CLIP2: variants seen among roughly 807,000 people sequenced by gnomAD.
The protein encoded by CLIP2 is CAP-Gly domain-containing linker protein 2.
CLIP2 carries 41 observed loss-of-function variants against 111.7 expected under a neutral mutation model. The ratio of observed to expected loss-of-function variants is 0.37; its 90% CI spans 0.29 to 0.48. The LOEUF (loss-of-function observed/expected upper bound fraction) is 0.48, where lower values mean the gene tolerates loss of function less well. Among genes scored for constraint, CLIP2 ranks in the 20% least tolerant of loss-of-function variants. The probability of loss-of-function intolerance (pLI) is 0.99; values close to 1 mark genes in which losing one functional copy is unlikely to be tolerated. For synonymous variants in CLIP2, 660 were observed against 644.2 expected, an observed-to-expected ratio of 1.02 and a Z score of -0.37; for missense variants, 1,160 against 1,422.1, an observed-to-expected ratio of 0.82 and a Z score of 2.96.
chr7:74,330,607 A>T (rs1764102700), intron 2 of CLIP2, among the ~76,000 whole-genome samples: 1 of 151,380 alleles, frequency 6.6e-6, no homozygotes, highest in South Asian at 2.1e-4. Context: ...CTCTTCCCCT[A>T]CCCCCAGGCC....
At chr7:74,378,023 G>A (rs547645546) in intron 10 of CLIP2, among the ~76,000 whole-genome samples, 3 of 152,132 alleles carry the variant, frequency 2.0e-5, no homozygotes, top group African/African-American at 4.8e-5. Context: ...GTGGGGTTTC[G>A]CCAGGTAGTC....
At chr7:74,311,917 TAA>T (rs1306557485) in intron 1 of CLIP2, among the ~76,000 whole-genome samples, 5 of 49,700 alleles carry the variant, frequency 1.0e-4, no homozygotes, top group Admixed American at 4.2e-4. Context: ...ATCTCAAGAA[TAA>T]AAAAAAAAAA....
chr7:74,389,184 A>G lies in CLIP2; in HGVS notation c.2645A>G (p.Glu882Gly), dbSNP rs782268648. 4.3e-6 allele frequency: 7 copies of G among 1,613,710 alleles called. No individual in the cohort carries two copies. The highest frequency in any genetic ancestry group is 5.9e-6 in the Non-Finnish European group (7 of 1,179,926). ...AAGCGGCGCCTGGAGGCAGAGCTGG[A>G]GACCGTGTCCCGGAAGACCCATGAC... ...KEKRRLEAEL[E>G]TVSRKTHDAS... Residue 882 changes from glutamate to glycine, a missense_variant, in exon 13 of 17, where the codon GAG (glutamate) becomes GGG (glycine). By Grantham distance (98) the Glu-to-Gly change is moderately conservative. Coordinates refer to ENST00000223398, the MANE Select transcript of CLIP2 (RefSeq NM_003388.5).
At position 74,363,895 on chromosome 7, in the gene CLIP2, C is replaced by CAAA. The variant is rs11438621; in HGVS notation, c.1320-346_1320-344dup. ...TGGGCAACAGAGCGAGACTCTGTCT[C>CAAA]AAAAAAAAAAAAAAAAGGGAGGGAG... is the stretch of plus-strand genomic sequence containing the variant. On this transcript the variant is annotated intron_variant, in intron 7 of 16. Transcript: ENST00000223398. Among the ~76,000 whole-genome samples, 20 of 96,670 alleles carry CAAA rather than the reference C, an allele frequency of 2.1e-4. No individual in the cohort carries two copies. The East Asian group carries it at 2.3e-3, about 11-fold the overall frequency. 63.4% of individuals were successfully genotyped at this position (96,670 alleles called of 152,430 possible). A position where few individuals can be genotyped will look rare whatever the true frequency, so the allele number is the denominator to read the frequency against.
At chr7:74,290,142 G>T (rs554142174) in intron 1 of CLIP2, among the ~76,000 whole-genome samples, 9 of 152,356 alleles carry the variant, frequency 5.9e-5, no homozygotes, top group East Asian at 5.8e-4. Context: ...TGGGCTCACA[G>T]AGCCTGGGGA....
In CLIP2 at chr7:74,329,369, C is replaced by T. The variant is rs529219707; in HGVS notation, c.122-9079C>T. On this transcript the variant is annotated intron_variant, in intron 2 of 16. Transcript: ENST00000223398. Reference sequence around the variant, plus strand: ...CAGCATGATGCTATATTAAGAGCACCTCTCATTCCCAGAAGCACCCGGGTT... The same window carrying T: ...CAGCATGATGCTATATTAAGAGCACTTCTCATTCCCAGAAGCACCCGGGTT... 2.6e-5 allele frequency among the ~76,000 whole-genome samples: 4 copies of T among 152,088 alleles called. No homozygotes were observed. The East Asian group carries it at 5.8e-4, about 22-fold the overall frequency.
At chr7:74,328,062 G>T (rs1190979888) in intron 2 of CLIP2, among the ~76,000 whole-genome samples, 1 of 152,084 alleles carries the variant, frequency 6.6e-6, no homozygotes, top group Non-Finnish European at 1.5e-5. Flanking sequence ...CCTTCTTTAG[G>T]GCTGGATGCT....
At chr7:74,374,184 G>A (rs1790713632) in intron 9 of CLIP2, among the ~76,000 whole-genome samples, 1 of 152,224 alleles carries the variant, frequency 6.6e-6, no homozygotes, top group Non-Finnish European at 1.5e-5. Flanking sequence ...TGTAGAAGGA[G>A]CAGTGGTCAG....
chr7:74,351,426 C>CAAAAAAAAAAAAAAAAAA (rs55952428), intron 3 of CLIP2, among the ~76,000 whole-genome samples: 2 of 65,938 alleles, frequency 3.0e-5, no homozygotes, highest in Non-Finnish European at 3.4e-5. Context: ...ATTCCAGTGT[C>CAAAAAAAAAAAAAAAAAA]AAAAAAAAAA....
At chr7:74,293,030 A>G (rs1788070103) in intron 1 of CLIP2, among the ~76,000 whole-genome samples, 1 of 152,174 alleles carries the variant, frequency 6.6e-6, no homozygotes, top group African/African-American at 2.4e-5. Context: ...CAGGCTGGGC[A>G]CACCCAGGCT....
chr7:74,389,823 C>T (rs1037151132), intron 13 of CLIP2, among the ~76,000 whole-genome samples: 2 of 151,558 alleles, frequency 1.3e-5, no homozygotes, highest in Non-Finnish European at 2.9e-5. Context: ...TCCTTGAACC[C>T]GAGAGGAGGA....
At chr7:74,391,610 A>T (rs1554315872) in intron 13 of CLIP2, among the ~76,000 whole-genome samples, 2 of 151,994 alleles carry the variant, frequency 1.3e-5, no homozygotes. Context: ...ACTTGAGCTC[A>T]GGAGCTTGAG....
In CLIP2 at chr7:74,380,709, G is replaced by A. The variant is rs1790917285; in HGVS notation, c.2422-97G>A. 4.1e-6 allele frequency: 4 copies of A among 966,884 alleles called. No homozygotes were observed. In the South Asian group the frequency reaches 4.9e-5, roughly 12 times the overall value. 59.9% of individuals were successfully genotyped at this position (966,884 alleles called of 1,614,324 possible). A position where few individuals can be genotyped will look rare whatever the true frequency, so the allele number is the denominator to read the frequency against. On this transcript the variant is annotated intron_variant, in intron 10 of 16. Transcript: ENST00000223398. ...GTCACTGAGGTCCCCCTTTGTAGGA[G>A]TAGGGTGTGCAAACTGCAGGTGTGC...
chr7:74,357,968 G>T (rs1325844702), intron 6 of CLIP2, among the ~76,000 whole-genome samples: 2 of 151,070 alleles, frequency 1.3e-5, no homozygotes, highest in Non-Finnish European at 2.9e-5. Context: ...TGTTGGTCAG[G>T]CTGGTCTCGA....
intron 1 of CLIP2, among the ~76,000 whole-genome samples, chr7:74,315,350 A>G (rs782433584): frequency 1.4e-5 from 2 of 141,164 alleles, no homozygotes; most frequent in Admixed American, 7.0e-5. Flanking sequence ...AGCATCACAC[A>G]CTTTTTTTTT....
intron 3 of CLIP2, among the ~76,000 whole-genome samples, chr7:74,345,051 C>T (rs1000491413): frequency 2.6e-5 from 4 of 152,088 alleles, no homozygotes; most frequent in Admixed American, 1.3e-4. Context: ...GTCTCTTCTT[C>T]CATGAATGTG....
At position 74,376,016 on chromosome 7, in the gene CLIP2, G is replaced by A. The variant is rs782522877; in HGVS notation, c.1615G>A (p.Ala539Thr). The change falls in exon 10 of 17, where the codon GCC becomes ACC. Residue 539 changes from alanine to threonine, a missense_variant. Around this residue, in one of 5 missense-constraint regions of CLIP2, gnomAD observed 676 missense variants for 777.8 expected, o/e 0.87. Transcript: ENST00000223398. The surrounding 1 kb of genome is among the most constrained non-coding windows in gnomAD (Gnocchi z 7.1). Reference protein sequence around the residue: ...SGPPPPDHPDAAEILRLRERL... With the variant: ...SGPPPPDHPDTAEILRLRERL... ...TCCCCCACCTCCGGACCACCCAGACGCCGCCGAGATCCTGCGGCTACGGGA... is the reference window on the plus strand; with the variant it reads ...TCCCCCACCTCCGGACCACCCAGACACCGCCGAGATCCTGCGGCTACGGGA... 67 of 1,612,666 alleles carry A rather than the reference G, an allele frequency of 4.2e-5. No individual in the cohort carries two copies. The Admixed American group carries it at 4.3e-4, about 10-fold the overall frequency.
chr7:74,329,171 C>T (rs746343933), intron 2 of CLIP2, among the ~76,000 whole-genome samples: 5 of 151,108 alleles, frequency 3.3e-5, no homozygotes, highest in Non-Finnish European at 7.4e-5. Flanking sequence ...CGTGATCCGC[C>T]CTCCTCGGCC....
At chr7:74,321,336 C>T (rs528187600) in intron 2 of CLIP2, among the ~76,000 whole-genome samples, 6 of 152,246 alleles carry the variant, frequency 3.9e-5, no homozygotes, top group Admixed American at 1.3e-4. Flanking sequence ...ACCAGGATTC[C>T]GTGAAGGATG....
Sources: allele counts gnomAD v4.1 joint callset (sites outside exome capture counted in the v4.1 genomes callset), GRCh38; gene constraint gnomAD v4.1.1; regional missense constraint gnomAD v4.1.1; non-coding constraint Gnocchi (gnomAD v3.1); transcripts MANE v1.5; gene names NCBI Gene and HGNC (gene_info 2026-07-23, HGNC 2026-07-21).